RAP1A: variants seen among roughly 807,000 people sequenced by gnomAD.
The protein encoded by RAP1A is RAP1A, member of RAS oncogene family.
In RAP1A, 6 loss-of-function variants were observed where a neutral mutation model predicts 26.4. That is an observed-to-expected ratio of 0.23 (90% CI 0.12 to 0.45). The LOEUF is 0.45. Among genes scored for constraint, RAP1A ranks in the 20% least tolerant of loss-of-function variants. The pLI is 0.99. For missense variants in RAP1A, 121 were observed against 217.2 expected, an observed-to-expected ratio of 0.56 and a Z score of 2.78; for synonymous variants, 73 against 79.4, an observed-to-expected ratio of 0.92 and a Z score of 0.43.
At chr1:111,554,543 A>G (rs1182292384) in intron 1 of RAP1A, among the ~76,000 whole-genome samples, 1 of 152,234 alleles carries the variant, frequency 6.6e-6, no homozygotes, top group East Asian at 1.9e-4. Context: ...ACACAAATTC[A>G]AAAGTAAGAT....
At chr1:111,606,690 G>C (rs1658786952) in intron 1 of RAP1A, among the ~76,000 whole-genome samples, 1 of 152,192 alleles carries the variant, frequency 6.6e-6, no homozygotes, top group Non-Finnish European at 1.5e-5. Context: ...TCACGGTGTT[G>C]TTATTATTAC....
chr1:111,712,689 G>C lies in RAP1A; in HGVS notation c.*288G>C, dbSNP rs1226959577. On this transcript the variant is annotated 3_prime_UTR_variant, in exon 8 of 8. Coordinates refer to ENST00000369709, the MANE Select transcript of RAP1A (RefSeq NM_002884.4). ...TTGACTCTAATATGATTATACAAAAGAGCATGGATGCATTTCAAATGTTAG... is the reference window on the plus strand; with the variant it reads ...TTGACTCTAATATGATTATACAAAACAGCATGGATGCATTTCAAATGTTAG... 8.5e-5 allele frequency: 13 copies of C among 152,418 alleles called. No individual in the cohort carries two copies. The highest frequency in any genetic ancestry group is 7.9e-4 in the Admixed American group (12 of 15,256). 9.4% of individuals were successfully genotyped at this position (152,418 alleles called of 1,614,324 possible).
At chr1:111,712,029 A>C (rs1367240053) in intron 7 of RAP1A, among the ~76,000 whole-genome samples, 1 of 152,166 alleles carries the variant, frequency 6.6e-6, no homozygotes, top group Admixed American at 6.5e-5. Context: ...ATCTTATGGA[A>C]AGTTTATGGA....
intron 1 of RAP1A, among the ~76,000 whole-genome samples, chr1:111,566,185 G>A (rs1231847268): frequency 6.6e-6 from 1 of 152,188 alleles, no homozygotes; most frequent in Non-Finnish European, 1.5e-5. Context: ...TGTTGCAAAG[G>A]TCATTCTGGC....
intron 1 of RAP1A, among the ~76,000 whole-genome samples, chr1:111,677,311 A>G (rs1661159422): frequency 1.3e-5 from 2 of 152,270 alleles, no homozygotes; most frequent in South Asian, 4.1e-4. Context: ...TTACAAAGAC[A>G]GAAGTTGAAG....
intron 6 of RAP1A, among the ~76,000 whole-genome samples, chr1:111,704,925 AGT>A (rs1261321365): frequency 6.6e-6 from 1 of 152,092 alleles, no homozygotes; most frequent in African/African-American, 2.4e-5. Context: ...ATGACTCATA[AGT>A]GGGTAATCTG....
intron 1 of RAP1A, among the ~76,000 whole-genome samples, chr1:111,648,023 C>T (rs1344696801): frequency 6.6e-6 from 1 of 152,018 alleles, no homozygotes; most frequent in East Asian, 1.9e-4. Context: ...TAGTTCAAAT[C>T]TAGGTCACAA....
At chr1:111,701,410 A>T (rs1434600688) in intron 4 of RAP1A, among the ~76,000 whole-genome samples, 1 of 152,052 alleles carries the variant, frequency 6.6e-6, no homozygotes, top group Admixed American at 6.6e-5. Flanking sequence ...TTAAAATATA[A>T]CTTTATATTC....
chr1:111,627,563 G>C (rs1023917599), intron 1 of RAP1A: 3 of 151,832 alleles, frequency 2.0e-5, no homozygotes, highest in African/African-American at 7.3e-5. Context: ...GCATTGAGTA[G>C]GTCAGTTTTT....
intron 1 of RAP1A, among the ~76,000 whole-genome samples, chr1:111,609,804 T>C (rs1167936273): frequency 6.6e-6 from 1 of 152,054 alleles, no homozygotes; most frequent in Non-Finnish European, 1.5e-5. Flanking sequence ...CCCGGCTAAT[T>C]TTTGTATTTT....
intron 1 of RAP1A, chr1:111,563,870 A>G: frequency 1.2e-6 from 2 of 1,613,390 alleles, no homozygotes; most frequent in Non-Finnish European, 1.7e-6. Flanking sequence ...CAAGCAGCCC[A>G]GTGTCCAGTC....
intron 1 of RAP1A, among the ~76,000 whole-genome samples, chr1:111,545,316 T>C (rs2101028969): frequency 6.6e-6 from 1 of 152,208 alleles, no homozygotes; most frequent in Middle Eastern, 3.4e-3. Context: ...AAAGCCATCC[T>C]GGTGGATGTG....
chr1:111,574,797 G>A (rs1370765908), intron 1 of RAP1A, among the ~76,000 whole-genome samples: 1 of 152,190 alleles, frequency 6.6e-6, no homozygotes, highest in South Asian at 2.1e-4. Context: ...TAGGTTTTTG[G>A]GAAGCCAAAT....
In RAP1A at chr1:111,716,473, G is replaced by A. The variant is rs1662543790; in HGVS notation, c.*4072G>A. On this transcript the variant is annotated 3_prime_UTR_variant, in exon 8 of 8. Transcript: ENST00000369709. ...AGGCTTTGACTGGGTTCCTAGTTCT[G>A]TTTTCTGGGAAGGCAACGTGGATTC... is the stretch of plus-strand genomic sequence containing the variant. The A allele has an allele frequency of 6.6e-6, 1 of 152,166 alleles. No individual in the cohort carries two copies. Among genetic ancestry groups the A allele is most frequent in the Non-Finnish European group, 1.5e-5 (1 of 68,026 alleles). 9.4% of individuals were successfully genotyped at this position (152,166 alleles called of 1,614,324 possible). A position where few individuals can be genotyped will look rare whatever the true frequency, so the allele number is the denominator to read the frequency against.
At chr1:111,617,601 T>C (rs928849370), upstream of RAP1A, among the ~76,000 whole-genome samples, 2 of 151,696 alleles carry the variant, frequency 1.3e-5, no homozygotes, top group East Asian at 2.0e-4. Flanking sequence ...CCTGGCTAAT[T>C]TTTTTTGTAT....
chr1:111,696,392 G>A (rs1030885761), intron 3 of RAP1A, among the ~76,000 whole-genome samples: 4 of 152,108 alleles, frequency 2.6e-5, no homozygotes, highest in Non-Finnish European at 5.9e-5. Flanking sequence ...TCTTCAAATT[G>A]GAAACAGAAT....
intron 1 of RAP1A, chr1:111,627,544 C>T (rs568878524): frequency 6.6e-6 from 1 of 151,962 alleles, no homozygotes; most frequent in Non-Finnish European, 1.5e-5. Flanking sequence ...TCTCACTGCA[C>T]CTTCAATGGC....
chr1:111,663,401 T>G (rs1271991472), intron 1 of RAP1A, among the ~76,000 whole-genome samples: 1 of 152,238 alleles, frequency 6.6e-6, no homozygotes, highest in African/African-American at 2.4e-5. Context: ...CTGACAGTGC[T>G]TTCCATTCTT....
intron 1 of RAP1A, among the ~76,000 whole-genome samples, chr1:111,583,369 C>T (rs1185780158): frequency 6.6e-6 from 1 of 151,094 alleles, no homozygotes; most frequent in East Asian, 1.9e-4. Flanking sequence ...GCTGGGAAAG[C>T]TGAGGTAGGA....
Sources: allele counts gnomAD v4.1 joint callset (sites outside exome capture counted in the v4.1 genomes callset), GRCh38; gene constraint gnomAD v4.1.1; transcripts MANE v1.5; gene names NCBI Gene and HGNC (gene_info 2026-07-23, HGNC 2026-07-21).